Variants in PHACTR2 observed in about 807,000 individuals in gnomAD.
The protein encoded by PHACTR2 is phosphatase and actin regulator 2, also known as chromosome 6 open reading frame 56.
In PHACTR2, 30 loss-of-function variants were observed where a neutral mutation model predicts 76.0. That is an observed-to-expected ratio of 0.39 (90% CI 0.30 to 0.54). The LOEUF is 0.54. Ranked by LOEUF, PHACTR2 falls within the 20% of genes least tolerant of loss-of-function variation. The pLI is 0.61. For missense variants in PHACTR2, 696 were observed against 781.1 expected (o/e 0.89, Z 1.30); for synonymous variants, 292 against 292.5 (o/e 1.00, Z 0.02).
At chr6:143,560,087 C>A (rs1775244407) in intron 1 of PHACTR2, among the ~76,000 whole-genome samples, 2 of 152,094 alleles carry the variant, frequency 1.3e-5, no homozygotes, top group South Asian at 4.1e-4. Context: ...TTGTAAATTT[C>A]TTGCACATTT....
intron 1 of PHACTR2, among the ~76,000 whole-genome samples, chr6:143,542,771 G>T (rs2128426464): frequency 6.6e-6 from 1 of 152,288 alleles, no homozygotes. Flanking sequence ...AAGACCTATT[G>T]TGTGAAGCCA....
rs1231878633 is a variant in PHACTR2 at position 143,556,987 on chromosome 6, A to C, written c.217+19780A>C. Among the ~76,000 whole-genome samples, 1 of 152,198 alleles carries C rather than the reference A, an allele frequency of 6.6e-6. No homozygotes were observed. Among genetic ancestry groups the C allele is most frequent in the Admixed American group, 6.5e-5 (1 of 15,276 alleles). On this transcript the variant is annotated intron_variant, in intron 1 of 11. Transcript: ENST00000367584. The surrounding 1 kb of genome is among the most constrained non-coding windows in gnomAD (Gnocchi z 4.3). Reference sequence around the variant, plus strand: ...TGAAACAAAAATGAGGCCAGAAAGAAAGGGCCTCCCTCCCTAACCCCAGCC... The same window carrying C: ...TGAAACAAAAATGAGGCCAGAAAGACAGGGCCTCCCTCCCTAACCCCAGCC...
chr6:143,568,258 C>A (rs1362282627), intron 1 of PHACTR2, among the ~76,000 whole-genome samples: 1 of 152,178 alleles, frequency 6.6e-6, no homozygotes, highest in Non-Finnish European at 1.5e-5. Flanking sequence ...TGAGTTTTCT[C>A]CTCCATGAAA....
intron 1 of PHACTR2, among the ~76,000 whole-genome samples, chr6:143,657,048 G>C: frequency 6.6e-6 from 1 of 150,840 alleles, no homozygotes; most frequent in Non-Finnish European, 1.5e-5. Flanking sequence ...ACACATGGAT[G>C]CAGGGAGGGG....
Position 143,697,302 on chromosome 6 carries a change from T to G in PHACTR2, c.47-14714T>G, listed in dbSNP as rs1351193816. Among the ~76,000 whole-genome samples the G allele has an allele frequency of 6.6e-6, 1 of 152,174 alleles. No homozygotes were observed. The highest frequency in any genetic ancestry group is 2.4e-5 in the African/African-American group (1 of 41,442). On this transcript the variant is annotated intron_variant, in intron 1 of 12. Transcript: ENST00000440869. The surrounding 1 kb of genome is among the most constrained non-coding windows in gnomAD (Gnocchi z 4.4). ...CTTGTTTCTTTGCCATGGAACAAAA[T>G]TGCTTTTCTGGCTTCCCCAATTAGG...
At chr6:143,661,901 T>G (rs992350611) in intron 1 of PHACTR2, among the ~76,000 whole-genome samples, 11 of 152,254 alleles carry the variant, frequency 7.2e-5, no homozygotes, top group African/African-American at 2.6e-4. Flanking sequence ...GTTCTCTACC[T>G]GGAAAATTTG....
At chr6:143,638,575 A>G (rs1231619095) in intron 1 of PHACTR2, among the ~76,000 whole-genome samples, 1 of 89,300 alleles carries the variant, frequency 1.1e-5, no homozygotes, top group Admixed American at 1.2e-4. Context: ...ACACACACAC[A>G]TACACACACA....
rs71024875 is a variant in PHACTR2 at position 143,751,791 on chromosome 6, TACACAC to T, written c.296-1934_296-1929del. Among the ~76,000 whole-genome samples, 17 of 140,360 alleles carry T rather than the reference TACACAC, an allele frequency of 1.2e-4. No homozygotes were observed. Among genetic ancestry groups the T allele is most frequent in the Middle Eastern group, 3.6e-3 (1 of 274 alleles). The allele number at this position is 140,360 out of a possible 152,430, so 92.1% of individuals were successfully genotyped here. The stretch of plus-strand genomic sequence containing the variant: ...TCCTTTGCTCTGCTTGTATTTTACT[TACACAC>T]ACACACACACACACACACACACACA... On this transcript the variant is annotated intron_variant, in intron 3 of 12. Transcript: ENST00000440869. The surrounding 1 kb of genome is among the most constrained non-coding windows in gnomAD (Gnocchi z 5.7).
At position 143,596,864 on chromosome 6, in the gene PHACTR2, G is replaced by T. The variant is rs907780994; in HGVS notation, c.217+59657G>T. Among the ~76,000 whole-genome samples the T allele has an allele frequency of 9.9e-5, 15 of 152,210 alleles. No homozygotes were observed. Among genetic ancestry groups the T allele is most frequent in the Middle Eastern group, 6.8e-3 (2 of 294 alleles). On this transcript the variant is annotated intron_variant, in intron 1 of 11. Transcript: ENST00000367584. The surrounding 1 kb of genome is among the most constrained non-coding windows in gnomAD (Gnocchi z 4.6). ...AAAAAAATAAAAATAAAAATAAAAA[G>T]AATCATGGCGTCCAACTCTGGGGCT...
In PHACTR2 at chr6:143,596,194, C is replaced by T. The variant is rs916273972; in HGVS notation, c.217+58987C>T. Among the ~76,000 whole-genome samples, 4 of 152,136 alleles carry T rather than the reference C, an allele frequency of 2.6e-5. No homozygotes were observed. The highest frequency in any genetic ancestry group is 9.7e-5 in the African/African-American group (4 of 41,436). ...TGATCCTCAGGCCTGCAAAACTGGC[C>T]ATGAAAAATACTTTTGTTGTCCCCA... is the stretch of plus-strand genomic sequence containing the variant. On this transcript the variant is annotated intron_variant, in intron 1 of 11. Transcript: ENST00000367584. This position sits in a 1 kb window ranked among gnomAD's most constrained non-coding sequence, Gnocchi z 4.6.
At chr6:143,609,415 G>T (rs547880201) in intron 1 of PHACTR2, among the ~76,000 whole-genome samples, 134 of 152,246 alleles carry the variant, frequency 8.8e-4, no homozygotes, top group Non-Finnish European at 9.7e-4. Context: ...TATAATATCA[G>T]GGATGAAAAT....
chr6:143,821,492 A>C lies in PHACTR2; in HGVS notation c.1923-2182A>C, dbSNP rs2328519. Among the ~76,000 whole-genome samples the C allele has an allele frequency of 0.99, 151,321 of 152,372 alleles. 75,138 individuals are homozygous for C. The highest frequency in any genetic ancestry group is 1 in the East Asian group (5,184 of 5,184). Reference sequence around the variant, plus strand: ...ATGAGTATGTAAAAATGGATAAGAAAGTTTCCTTCCTCAGCTTCTCATGAT... The same window carrying C: ...ATGAGTATGTAAAAATGGATAAGAACGTTTCCTTCCTCAGCTTCTCATGAT... On this transcript the variant is annotated intron_variant, in intron 12 of 12. Coordinates refer to ENST00000440869, the MANE Select transcript of PHACTR2 (RefSeq NM_001100164.2). The surrounding 1 kb of genome is among the most constrained non-coding windows in gnomAD (Gnocchi z 5.2).
At chr6:143,568,960 G>A (rs1054752) in intron 1 of PHACTR2, among the ~76,000 whole-genome samples, 93,249 of 152,080 alleles carry the variant, frequency 0.61, 28,933 homozygotes, top group Middle Eastern at 0.72. Flanking sequence ...TGGTCTGACA[G>A]TTCCTCTCAT....
intron 1 of PHACTR2, among the ~76,000 whole-genome samples, chr6:143,706,051 T>C (rs1778046146): frequency 6.6e-6 from 1 of 152,254 alleles, no homozygotes. Context: ...TGGGTTATAA[T>C]CTAATACTAT....
rs999665168 is a variant in PHACTR2, at chr6:143,664,084, C to T, written c.14-47932C>T. Among the ~76,000 whole-genome samples, 3 of 151,960 alleles carry T rather than the reference C, an allele frequency of 2.0e-5. No homozygotes were observed. Among genetic ancestry groups the T allele is most frequent in the Non-Finnish European group, 4.4e-5 (3 of 67,996 alleles). ...TTAGATATATATATGGTTCTGATGT[C>T]AGGGATATATGAGATAATAATTTGA... On this transcript the variant is annotated intron_variant, in intron 1 of 11. Transcript: ENST00000305766. The surrounding 1 kb of genome is among the most constrained non-coding windows in gnomAD (Gnocchi z 5.1).
At chr6:143,749,256 A>G (rs1779135315) in intron 3 of PHACTR2, among the ~76,000 whole-genome samples, 191 bp downstream of exon 3, 1 of 152,186 alleles carries the variant, frequency 6.6e-6, no homozygotes, top group African/African-American at 2.4e-5. Context: ...ATAGAATTCT[A>G]GTGACTTTCC....
At position 143,763,413 on chromosome 6, in the gene PHACTR2, G is replaced by A. The variant is rs957701265; in HGVS notation, c.695-1848G>A. 3.3e-5 allele frequency among the ~76,000 whole-genome samples: 5 copies of A among 152,174 alleles called. No homozygotes were observed. The East Asian group carries it at 9.6e-4, about 29-fold the overall frequency. On this transcript the variant is annotated intron_variant, in intron 5 of 12. Coordinates refer to ENST00000440869, the MANE Select transcript of PHACTR2 (RefSeq NM_001100164.2). ...AACAAATTATTAGAATTGTTATGTG[G>A]AAAGGATTCTGTTTAACTTAGCTAA...
upstream of PHACTR2, among the ~76,000 whole-genome samples, chr6:143,606,238 G>T (rs1350641458): frequency 7.2e-6 from 1 of 139,592 alleles, no homozygotes; most frequent in Non-Finnish European, 1.6e-5. Context: ...GACACTAAAT[G>T]CATTTTGGAG....
rs1434244361 is a variant in PHACTR2 at position 143,580,375 on chromosome 6, C to T, written c.217+43168C>T. ...TGGCGGGCGCCTGTAGTCCCAGCTACTCTGGAGGCTGAGGCAGGAGAATGG... is the reference window on the plus strand; with the variant it reads ...TGGCGGGCGCCTGTAGTCCCAGCTATTCTGGAGGCTGAGGCAGGAGAATGG... On this transcript the variant is annotated intron_variant, in intron 1 of 11. Coordinates refer to the PHACTR2 transcript ENST00000367584. The surrounding 1 kb of genome is among the most constrained non-coding windows in gnomAD (Gnocchi z 4.2). Among the ~76,000 whole-genome samples the T allele has an allele frequency of 6.6e-6, 1 of 152,242 alleles. No homozygotes were observed. Among genetic ancestry groups the T allele is most frequent in the Non-Finnish European group, 1.5e-5 (1 of 68,050 alleles).
Sources: gnomAD v4.1 joint callset for allele counts (sites outside exome capture counted in the v4.1 genomes callset) on GRCh38, gnomAD v4.1.1 for gene constraint, Gnocchi (gnomAD v3.1) non-coding constraint, MANE v1.5 for transcripts, NCBI Gene and HGNC (gene_info 2026-07-23, HGNC 2026-07-21) for gene names.